Variants in IL1R2 observed in about 807,000 individuals in gnomAD.
IL1R2 encodes the protein interleukin-1 receptor type 2.
IL1R2 carries 46 observed loss-of-function variants against 39.5 expected under a neutral mutation model. The observed-to-expected ratio is 1.16, with a 90% CI of 0.92 to 1.49. IL1R2 has a LOEUF of 1.49. Ranked by LOEUF, IL1R2 falls within the 40% of genes most tolerant of loss-of-function variation. The pLI is 0.00. For synonymous variants in IL1R2, 207 were observed against 189.6 expected, an observed-to-expected ratio of 1.09 and a Z score of -0.75; for missense variants, 537 against 502.0, an observed-to-expected ratio of 1.07 and a Z score of -0.67.
chr2:102,010,208 T>A (rs567921195), intron 3 of IL1R2: 1 of 200,326 alleles, frequency 5.0e-6, no homozygotes, highest in South Asian at 8.9e-5. Flanking sequence ...AGGGACTTGG[T>A]CTATGTTGTT....
rs1454592591 is a variant in IL1R2, at chr2:102,024,535, TCAAGACTGA to T, written c.758_766del (p.Arg253_Thr255del). ...GTGCTGTGCCTTGCCATCCACAGGGTCAAGACTGACAATCCCGTGTAAGGTGTTTCTGGG... is the reference window on the plus strand; with the variant it reads ...GTGCTGTGCCTTGCCATCCACAGGGTCAATCCCGTGTAAGGTGTTTCTGGG... On this transcript the variant is annotated inframe_deletion, in exon 7 of 9. Coordinates refer to ENST00000332549, the MANE Select transcript of IL1R2 (RefSeq NM_004633.4). 1 of 1,613,602 alleles carries T rather than the reference TCAAGACTGA, an allele frequency of 6.2e-7. No individual in the cohort carries two copies. Among genetic ancestry groups the T allele is most frequent in the South Asian group, 1.1e-5 (1 of 91,056 alleles).
At chr2:101,997,119 A>C (rs1108338) in intron 1 of IL1R2, among the ~76,000 whole-genome samples, 52,830 of 152,008 alleles carry the variant, frequency 0.35, 10,602 homozygotes, top group African/African-American at 0.53. Flanking sequence ...GACCTGGGGT[A>C]GGCACTGGCT....
chr2:102,021,100 A>C (rs1018173584), intron 5 of IL1R2, among the ~76,000 whole-genome samples: 3 of 152,028 alleles, frequency 2.0e-5, no homozygotes, highest in Admixed American at 6.5e-5. Context: ...GGGGAGGAAA[A>C]GGCGTCTGGC....
At chr2:101,998,816 C>T (rs575871561) in intron 1 of IL1R2, among the ~76,000 whole-genome samples, 7 of 152,322 alleles carry the variant, frequency 4.6e-5, no homozygotes, top group African/African-American at 1.2e-4. Context: ...GCAAGCACCC[C>T]TTGGAAACCA....
At chr2:102,002,594 G>T (rs923612908) in intron 1 of IL1R2, among the ~76,000 whole-genome samples, 8 of 151,226 alleles carry the variant, frequency 5.3e-5, no homozygotes, top group Admixed American at 4.6e-4. Flanking sequence ...GTCTGCGTCT[G>T]TGTCTGTGTC....
chr2:102,012,702 A>G (rs1676719397), intron 3 of IL1R2, among the ~76,000 whole-genome samples: 1 of 152,234 alleles, frequency 6.6e-6, no homozygotes, highest in Non-Finnish European at 1.5e-5. Context: ...CAGGCAAACC[A>G]TCTTCTATTC....
intron 1 of IL1R2, among the ~76,000 whole-genome samples, chr2:101,996,252 C>T (rs563802570): frequency 6.6e-6 from 1 of 152,096 alleles, no homozygotes; most frequent in Non-Finnish European, 1.5e-5. Context: ...CACCAAGGAG[C>T]GAGCTGGCCA....
chr2:102,003,108 ATGTCTG>A (rs1456122534), intron 1 of IL1R2, among the ~76,000 whole-genome samples: 3 of 59,430 alleles, frequency 5.0e-5, no homozygotes, highest in Admixed American at 5.0e-4. Context: ...GTCTGTGTCT[ATGTCTG>A]TGTCTGTGTC....
At chr2:102,013,566 AGAAAAGAAGGAAAAGAAAAAG>A (rs1676792084) in intron 3 of IL1R2, among the ~76,000 whole-genome samples, 2 of 142,628 alleles carry the variant, frequency 1.4e-5, no homozygotes, top group South Asian at 2.2e-4. Flanking sequence ...AAGAAAGAAA[AGAAAAGAAGGAAAAGAAAAAG>A]AAAAAAAAAA....
In IL1R2 at chr2:102,009,793, A is replaced by C. The variant is rs952172355; in HGVS notation, c.299A>C (p.Gln100Pro). The C allele has an allele frequency of 4.3e-6, 7 of 1,614,210 alleles. No individual in the cohort carries two copies. The South Asian group carries it at 7.7e-5, about 18-fold the overall frequency. ...DGALWLLPALQEDSGTYVCTT... is the reference protein window; with the variant it reads ...DGALWLLPALPEDSGTYVCTT... ...GCTCTGTGGCTTCTGCCAGCCTTGCAGGAGGACTCTGGCACCTACGTCTGC... is the reference window on the plus strand; with the variant it reads ...GCTCTGTGGCTTCTGCCAGCCTTGCCGGAGGACTCTGGCACCTACGTCTGC... Residue 100 changes from glutamine (Q) to proline (P), a missense_variant, in exon 3 of 9, where the codon CAG (glutamine) becomes CCG (proline). Coordinates refer to ENST00000332549, the MANE Select transcript of IL1R2 (RefSeq NM_004633.4).
At chr2:102,004,883 A>G (rs1676166197) in intron 1 of IL1R2, among the ~76,000 whole-genome samples, 1 of 152,334 alleles carries the variant, frequency 6.6e-6, no homozygotes, top group South Asian at 2.1e-4. Context: ...AACCAAGACA[A>G]TTCCCTTGGC....
In IL1R2 at chr2:102,007,007, C is replaced by T. The variant is rs3218842; in HGVS notation, c.-61-1508C>T. On this transcript the variant is annotated intron_variant, in intron 1 of 8. Transcript: ENST00000332549. ...TGGAGCAGACTTGGACCCCATCTGC[C>T]GCTCAGAGCCAGGCCTAACCCTGCC... 8.7e-3 allele frequency among the ~76,000 whole-genome samples: 1,321 copies of T among 152,300 alleles called. 22 individuals are homozygous for T. The highest frequency in any genetic ancestry group is 0.03 in the African/African-American group (1,257 of 41,560).
At position 101,998,108 on chromosome 2, in the gene IL1R2, G is replaced by A. The variant is rs147266281; in HGVS notation, c.-62+6097G>A. On this transcript the variant is annotated intron_variant, in intron 1 of 8. Coordinates refer to ENST00000332549, the MANE Select transcript of IL1R2 (RefSeq NM_004633.4). ...GTAATTGCAATATTACCTTCATTGC[G>A]TCTGTGTTGCATGTACTGTCCCATC... Among the ~76,000 whole-genome samples, 193 of 152,272 alleles carry A rather than the reference G, an allele frequency of 1.3e-3. No homozygotes were observed. In the South Asian group the frequency reaches 0.016, roughly 12 times the overall value.
chr2:102,013,524 C>CAAAAAAAAAAAAAAAAAAAAAAAAAAA (rs771727938), intron 3 of IL1R2, among the ~76,000 whole-genome samples: 4 of 5,694 alleles, frequency 7.0e-4, no homozygotes, highest in Non-Finnish European at 1.2e-3. Context: ...TCTATCACTG[C>CAAAAAAAAAAAAAAAAAAAAAAAAAAA]AAAAAAAAAA....
intron 1 of IL1R2, among the ~76,000 whole-genome samples, chr2:102,005,458 G>A (rs895867493): frequency 5.3e-5 from 8 of 152,194 alleles, no homozygotes; most frequent in Admixed American, 2.6e-4. Context: ...TTGGCTGTGC[G>A]TGACAGAAAG....
chr2:102,002,498 CGTGTCT>C (rs1675935951), intron 1 of IL1R2, among the ~76,000 whole-genome samples: 2 of 60,938 alleles, frequency 3.3e-5, no homozygotes, highest in Admixed American at 1.6e-4. Context: ...TGTCTGTGTC[CGTGTCT>C]GTGTCTGTGT....
intron 1 of IL1R2, among the ~76,000 whole-genome samples, chr2:101,993,250 C>T (rs1257684713): frequency 6.6e-6 from 1 of 152,158 alleles, no homozygotes; most frequent in Non-Finnish European, 1.5e-5. Flanking sequence ...GGTGTGTCCC[C>T]AGAGGCGAAC....
intron 6 of IL1R2, among the ~76,000 whole-genome samples, 184 bp downstream of exon 6, chr2:102,022,433 T>C (rs1034515523): frequency 7.2e-5 from 11 of 152,336 alleles, no homozygotes; most frequent in African/African-American, 2.6e-4. Flanking sequence ...ATATTTCCCT[T>C]TGGCCAGTTT....
chr2:102,022,611 T>C (rs1218630445), intron 6 of IL1R2, among the ~76,000 whole-genome samples: 9 of 152,220 alleles, frequency 5.9e-5, no homozygotes, highest in Non-Finnish European at 1.3e-4. Context: ...GTATTTAAAA[T>C]AATTCACATC....
Sources: gnomAD v4.1 joint callset for allele counts (sites outside exome capture counted in the v4.1 genomes callset) on GRCh38, gnomAD v4.1.1 for gene constraint, MANE v1.5 for transcripts, NCBI Gene and HGNC (gene_info 2026-07-23, HGNC 2026-07-21) for gene names.